The following RAB40C variants were observed in gnomAD, a reference collection of about 807,000 sequenced individuals.
RAB40C encodes the protein ras-related protein Rab-40C.
RAB40C carries 8 observed loss-of-function variants against 28.1 expected under a neutral mutation model. The ratio of observed to expected loss-of-function variants is 0.28; its 90% CI spans 0.17 to 0.51. The LOEUF is 0.51. Ranked by LOEUF, RAB40C falls within the 20% of genes least tolerant of loss-of-function variation. The pLI, the probability that RAB40C is intolerant of heterozygous loss-of-function variation, is 0.97. For synonymous variants in RAB40C, 201 were observed against 171.7 expected (o/e 1.17, Z -1.34); for missense variants, 288 against 405.9 (o/e 0.71, Z 2.50).
At chr16:625,307 A>G in intron 3 of RAB40C, 125 bp from the exon 4 acceptor site, 1 of 1,475,942 alleles carries the variant, frequency 6.8e-7, no homozygotes, top group Non-Finnish European at 9.1e-7. Flanking sequence ...TCATCTGCCC[A>G]TCCGCCAAGT....
At chr16:625,213 G>A in intron 3 of RAB40C, 1 of 1,430,216 alleles carries the variant, frequency 7.0e-7, no homozygotes, top group Non-Finnish European at 9.2e-7. Flanking sequence ...ACCATGGAAG[G>A]CGCCCACCCC....
intron 1 of RAB40C, among the ~76,000 whole-genome samples, chr16:615,022 G>A (rs189785109): frequency 6.6e-6 from 1 of 152,218 alleles, no homozygotes; most frequent in African/African-American, 2.4e-5. Flanking sequence ...CACAACCATT[G>A]TTCCTTCTTG....
chr16:624,471 GC>G, intron 3 of RAB40C: 1 of 985,456 alleles, frequency 1.0e-6, no homozygotes, highest in Non-Finnish European at 1.2e-6. Flanking sequence ...CAAGGCCTTC[GC>G]CCTGGGAGCT....
At position 610,268 on chromosome 16, in the gene RAB40C, C is replaced by T. The variant is rs920204719; in HGVS notation, c.143-6940C>T. On this transcript the variant is annotated intron_variant, in intron 1 of 5. Transcript: ENST00000248139. This position sits in a 1 kb window ranked among gnomAD's most constrained non-coding sequence, Gnocchi z 4.6. ...TCCTGTGGAGCGGCTCTGACCAGGA[C>T]AGTGCCGTGTGTCTCATGGGGTTGT... Among the ~76,000 whole-genome samples the T allele has an allele frequency of 6.6e-6, 1 of 152,134 alleles. No individual in the cohort carries two copies. The highest frequency in any genetic ancestry group is 1.9e-4 in the East Asian group (1 of 5,178).
intron 3 of RAB40C, among the ~76,000 whole-genome samples, chr16:620,440 T>G (rs1328876089): frequency 6.6e-6 from 1 of 152,236 alleles, no homozygotes; most frequent in Non-Finnish European, 1.5e-5. Context: ...CAAAAATGCC[T>G]TCTTGTCTTC....
chr16:602,615 T>C (rs1013560404), intron 1 of RAB40C, among the ~76,000 whole-genome samples: 1 of 152,032 alleles, frequency 6.6e-6, no homozygotes, highest in Non-Finnish European at 1.5e-5. Context: ...ATTTTTTTAG[T>C]AGAGATGAGG....
At chr16:616,337 A>T (rs1353455301) in intron 1 of RAB40C, among the ~76,000 whole-genome samples, 1 of 146,046 alleles carries the variant, frequency 6.8e-6, no homozygotes, top group Non-Finnish European at 1.5e-5. Flanking sequence ...GCAGCATTTT[A>T]TTTATTTATT....
rs2036901800 is a variant in RAB40C at position 629,016 on chromosome 16, C to T, written c.*1394C>T. On this transcript the variant is annotated 3_prime_UTR_variant, in exon 6 of 6. Coordinates refer to ENST00000248139, the MANE Select transcript of RAB40C (RefSeq NM_021168.5). The stretch of plus-strand genomic sequence containing the variant: ...GAACTACCAGATGAGTAAGGGAACC[C>T]CAGGCAGGCGGCCCTGCCACAGCCC... 1 of 155,762 alleles carries T rather than the reference C, an allele frequency of 6.4e-6. No homozygotes were observed. The highest frequency in any genetic ancestry group is 2.4e-5 in the African/African-American group (1 of 41,514). 9.6% of individuals were successfully genotyped at this position (155,762 alleles called of 1,614,324 possible).
chr16:620,288 G>T (rs533919995), intron 3 of RAB40C, among the ~76,000 whole-genome samples: 1 of 151,926 alleles, frequency 6.6e-6, no homozygotes, highest in African/African-American at 2.4e-5. Flanking sequence ...AGCTACTTAG[G>T]AGGCTGAGGC....
intron 1 of RAB40C, among the ~76,000 whole-genome samples, chr16:605,070 A>T (rs995739692): frequency 2.6e-5 from 4 of 152,020 alleles, no homozygotes; most frequent in Non-Finnish European, 5.9e-5. Context: ...AAAAATAAAT[A>T]AATTAGCCTG....
chr16:607,355 T>A (rs932241241), intron 1 of RAB40C, among the ~76,000 whole-genome samples: 3 of 150,314 alleles, frequency 2.0e-5, no homozygotes, highest in Admixed American at 2.0e-4. Flanking sequence ...AAAAAAAAAT[T>A]AGTTGGGCAT....
At chr16:599,133 G>A (rs934254407) in intron 1 of RAB40C, among the ~76,000 whole-genome samples, 6 of 152,230 alleles carry the variant, frequency 3.9e-5, no homozygotes, top group South Asian at 4.1e-4. Flanking sequence ...CAGGGTTGCC[G>A]AGGTGCTGTG....
chr16:610,853 C>T lies in RAB40C; in HGVS notation c.143-6355C>T, dbSNP rs998093165. Among the ~76,000 whole-genome samples, 4 of 152,104 alleles carry T rather than the reference C, an allele frequency of 2.6e-5. No homozygotes were observed. Among genetic ancestry groups the T allele is most frequent in the African/African-American group, 7.2e-5 (3 of 41,430 alleles). The stretch of plus-strand genomic sequence containing the variant: ...ACACCTGTCCCTCTGAGAGTCCAGA[C>T]CTTTTCCAGAGTGACATCCTGGGGC... On this transcript the variant is annotated intron_variant, in intron 1 of 5. Coordinates refer to ENST00000248139, the MANE Select transcript of RAB40C (RefSeq NM_021168.5). This position sits in a 1 kb window ranked among gnomAD's most constrained non-coding sequence, Gnocchi z 4.6.
At chr16:618,399 G>A (rs1277328459) in intron 3 of RAB40C, 139 bp downstream of exon 3, 1 of 951,542 alleles carries the variant, frequency 1.1e-6, no homozygotes, top group Admixed American at 3.4e-5. Context: ...TTGTTTATTT[G>A]TTTGTTTTGA....
chr16:592,290 C>A (rs182917823), intron 1 of RAB40C, among the ~76,000 whole-genome samples: 2 of 152,338 alleles, frequency 1.3e-5, no homozygotes, highest in Admixed American at 1.3e-4. Flanking sequence ...GCATCCCCCA[C>A]TCTCTCAACT....
intron 3 of RAB40C, chr16:625,072 G>A (rs1197524498): frequency 7.8e-7 from 1 of 1,289,804 alleles, no homozygotes; most frequent in South Asian, 1.2e-5. Flanking sequence ...ATTCACTGAT[G>A]GACTGGCCGA....
chr16:626,330 T>C (rs955350155), intron 5 of RAB40C, among the ~76,000 whole-genome samples: 6 of 152,264 alleles, frequency 3.9e-5, no homozygotes, highest in South Asian at 2.1e-4. Flanking sequence ...CAGGAGCAGC[T>C]GATGACCCCC....
rs913719672 is a variant in RAB40C, at chr16:610,112, C to T, written c.143-7096C>T. 1.4e-4 allele frequency among the ~76,000 whole-genome samples: 21 copies of T among 152,298 alleles called. No homozygotes were observed. Among genetic ancestry groups the T allele is most frequent in the African/African-American group, 4.8e-4 (20 of 41,544 alleles). The stretch of plus-strand genomic sequence containing the variant: ...AGTCCGCTTGCTGAGACTTGGTCTC[C>T]TGTAGCTGGTGGGGAAGCGGCACCC... On this transcript the variant is annotated intron_variant, in intron 1 of 5. Coordinates refer to ENST00000248139, the MANE Select transcript of RAB40C (RefSeq NM_021168.5). The surrounding 1 kb of genome is among the most constrained non-coding windows in gnomAD (Gnocchi z 4.6).
At chr16:621,782 C>CT (rs1354487145) in intron 3 of RAB40C, among the ~76,000 whole-genome samples, 1 of 152,192 alleles carries the variant, frequency 6.6e-6, no homozygotes, top group Non-Finnish European at 1.5e-5. Context: ...GGTCAGCGGG[C>CT]TTAGTGCCAG....
Sources: allele counts gnomAD v4.1 joint callset (sites outside exome capture counted in the v4.1 genomes callset), GRCh38; gene constraint gnomAD v4.1.1; non-coding constraint Gnocchi (gnomAD v3.1); transcripts MANE v1.5; gene names NCBI Gene and HGNC (gene_info 2026-07-23, HGNC 2026-07-21).